RASAL3: variants seen among roughly 807,000 people sequenced by gnomAD.
RASAL3 encodes RAS protein activator like-3.
Under a neutral mutation model 105.5 loss-of-function variants are expected in RASAL3, and 74 were observed. The observed-to-expected ratio is 0.70, with a 90% CI of 0.58 to 0.85. The LOEUF is 0.85. RASAL3 is among the 40% of genes least tolerant of loss of function. The pLI is 0.00. For synonymous variants in RASAL3, 579 were observed against 591.6 expected (o/e 0.98, Z 0.31); for missense variants, 1,352 against 1,392.0 (o/e 0.97, Z 0.46).
Position 15,454,133 on chromosome 19 carries a change from C to A in RASAL3, c.2279+16G>T. Reference sequence around the variant, plus strand: ...CTGTTCCCACCCATCAGACCCCAGACCAGACTTGAGGTTACCTGGAGTGGA... The same window carrying A: ...CTGTTCCCACCCATCAGACCCCAGAACAGACTTGAGGTTACCTGGAGTGGA... On this transcript the variant is annotated intron_variant, in intron 14 of 17. Transcript: ENST00000343625. 1 of 1,539,360 alleles carries A rather than the reference C, an allele frequency of 6.5e-7. No individual in the cohort carries two copies. The highest frequency in any genetic ancestry group is 8.8e-7 in the Non-Finnish European group (1 of 1,136,770).
intron 11 of RASAL3, among the ~76,000 whole-genome samples, chr19:15,455,199 G>T (rs1970281027): frequency 6.6e-6 from 1 of 152,172 alleles, no homozygotes; most frequent in African/African-American, 2.4e-5. Context: ...GAAGACAGAG[G>T]TTATGAGCTT....
In RASAL3 at chr19:15,454,782, C is replaced by A; in HGVS notation, c.1833G>T (p.Arg611=). 6.2e-7 allele frequency: 1 copy of A among 1,601,752 alleles called. No individual in the cohort carries two copies. The highest frequency in any genetic ancestry group is 8.5e-7 in the Non-Finnish European group (1 of 1,174,476). The part of the protein sequence containing the change: ...PRLVCASLFL[R]LLCPAILAPS... The stretch of plus-strand genomic sequence containing the variant: ...GTGCCAGGATGGCAGGGCACAGGAG[C>A]CGCAGGAAGAGGGAGGCGCACACCA... Residue 611 remains arginine, a synonymous_variant, in exon 12 of 18, where the codon CGG becomes CGT. Transcript: ENST00000343625.
intron 16 of RASAL3, chr19:15,452,313 T>C: frequency 3.2e-6 from 2 of 619,230 alleles, no homozygotes; most frequent in Non-Finnish European, 5.8e-6. Flanking sequence ...CAATCATCCC[T>C]TGGAGGTGGG....
In RASAL3 at chr19:15,456,906, T is replaced by G. The variant is rs899380808; in HGVS notation, c.1432-260A>C. On this transcript the variant is annotated intron_variant, in intron 9 of 17. Transcript: ENST00000343625. This position sits in a 1 kb window ranked among gnomAD's most constrained non-coding sequence, Gnocchi z 4.4. ...CTCAGGCCCCTGTCGCAGCTGAAGC[T>G]TAGGCTCCGCTCTTCAAGGTGTCCC... 8 of 554,238 alleles carry G rather than the reference T, an allele frequency of 1.4e-5. No individual in the cohort carries two copies. Among genetic ancestry groups the G allele is most frequent in the Non-Finnish European group, 2.6e-5 (8 of 310,472 alleles). 34.3% of individuals were successfully genotyped at this position (554,238 alleles called of 1,614,324 possible).
chr19:15,454,810 CG>C lies in RASAL3; in HGVS notation c.1804del (p.Arg602AspfsTer39). The C allele has an allele frequency of 6.3e-7, 1 of 1,592,756 alleles. No homozygotes were observed. Among genetic ancestry groups the C allele is most frequent in the Non-Finnish European group, 8.5e-7 (1 of 1,169,938 alleles). Reference sequence around the variant, plus strand: ...CAGGAAGAGGGAGGCGCACACCAGTCGGGGGCCCAGCACCTCAGAGCCACGT... The same window carrying C: ...CAGGAAGAGGGAGGCGCACACCAGTCGGGGCCCAGCACCTCAGAGCCACGT... ...KERGSEVLGP[R>X]LVCASLFLRL... On this transcript the variant is annotated frameshift_variant, in exon 12 of 18. Transcript: ENST00000343625. LOFTEE classifies it high-confidence loss of function.
chr19:15,458,762 C>T, intron 6 of RASAL3, 107 bp from the exon 7 acceptor site: 1 of 1,417,796 alleles, frequency 7.1e-7, no homozygotes, highest in African/African-American at 1.4e-5. Context: ...ATTCGGATCC[C>T]GTTTCTCCCC....
rs1970321579 is a variant in RASAL3 at position 15,456,447 on chromosome 19, C to T, written c.1576+55G>A. ...TTGCTCAAGGACTCTTAGAACTTCACCCAGGTCCCCTAGCTCACCAGCAGG... is the reference window on the plus strand; with the variant it reads ...TTGCTCAAGGACTCTTAGAACTTCATCCAGGTCCCCTAGCTCACCAGCAGG... On this transcript the variant is annotated intron_variant, in intron 10 of 17. Transcript: ENST00000343625. This position sits in a 1 kb window ranked among gnomAD's most constrained non-coding sequence, Gnocchi z 4.4. 2 of 1,603,532 alleles carry T rather than the reference C, an allele frequency of 1.2e-6. No homozygotes were observed. Among genetic ancestry groups the T allele is most frequent in the Admixed American group, 1.7e-5 (1 of 59,056 alleles).
At position 15,451,742 on chromosome 19, in the gene RASAL3, A is replaced by T; in HGVS notation, c.*53T>A. 6.5e-7 allele frequency: 1 copy of T among 1,544,756 alleles called. No individual in the cohort carries two copies. Among genetic ancestry groups the T allele is most frequent in the Non-Finnish European group, 8.8e-7 (1 of 1,138,662 alleles). ...AAGGCAAAGTCAGACACCCCCCCTAAGATGGCTATCTCTCTGCTCCCAGAC... is the reference window on the plus strand; with the variant it reads ...AAGGCAAAGTCAGACACCCCCCCTATGATGGCTATCTCTCTGCTCCCAGAC... On this transcript the variant is annotated 3_prime_UTR_variant, in exon 18 of 18. Transcript: ENST00000343625.
chr19:15,461,513 G>C lies in RASAL3; in HGVS notation c.423C>G (p.Thr141=). The change falls in exon 3 of 18, where the codon ACC becomes ACG. Residue 141 remains threonine (T), a synonymous_variant. Coordinates refer to ENST00000343625, the MANE Select transcript of RASAL3 (RefSeq NM_022904.3). ...GCAGCACCAGCTTCCCATCAAGCAG[G>C]GTGAAGCCCCCAATGTCCCAGACAG... ...NVPVWDIGGF[T]LLDGKLVLLG... The C allele has an allele frequency of 1.9e-6, 3 of 1,545,108 alleles. No homozygotes were observed. The highest frequency in any genetic ancestry group is 2.6e-6 in the Non-Finnish European group (3 of 1,145,374).
chr19:15,455,921 G>T (rs1970299644), intron 11 of RASAL3, among the ~76,000 whole-genome samples, 183 bp downstream of exon 11: 1 of 152,202 alleles, frequency 6.6e-6, no homozygotes, highest in African/African-American at 2.4e-5. Flanking sequence ...AAAGCATTGG[G>T]ATTACGGGCG....
chr19:15,456,122 G>A lies in RASAL3; in HGVS notation c.1703C>T (p.Thr568Ile). 2.5e-6 allele frequency: 4 copies of A among 1,613,804 alleles called. No individual in the cohort carries two copies. The highest frequency in any genetic ancestry group is 3.4e-6 in the Non-Finnish European group (4 of 1,179,794). ...TTCTCACTCGTAGGAATGGATAATG[G>A]TTTCGAAGACCTCCTCGCAGCTGTT... ...LRNSCEEVFE[T>I]IIHSYDWFPA... The change falls in exon 11 of 18, where the codon ACC becomes ATC. Residue 568 changes from threonine (T) to isoleucine (I), a missense_variant. Around this residue, in one of 3 missense-constraint regions of RASAL3, gnomAD observed 920 missense variants for 919.6 expected, o/e 1.00. Transcript: ENST00000343625. The surrounding 1 kb of genome is among the most constrained non-coding windows in gnomAD (Gnocchi z 4.4).
At position 15,451,890 on chromosome 19, in the gene RASAL3, C is replaced by T. The variant is rs1011750099; in HGVS notation, c.2941G>A (p.Ala981Thr). 6.2e-7 allele frequency: 1 copy of T among 1,608,888 alleles called. No homozygotes were observed. The highest frequency in any genetic ancestry group is 1.7e-5 in the Admixed American group (1 of 59,926). Residue 981 changes from alanine (A) to threonine (T), a missense_variant, in exon 18 of 18, where the codon GCT (alanine) becomes ACT (threonine). Physicochemically the swap from Ala to Thr is moderately conservative, Grantham distance 58. Around this residue, in one of 3 missense-constraint regions of RASAL3, gnomAD observed 920 missense variants for 919.6 expected, o/e 1.00. Coordinates refer to ENST00000343625, the MANE Select transcript of RASAL3 (RefSeq NM_022904.3). ...GGAGAAAGCTGCAGGCTCTGGACAG[C>T]ATCCCTCAGCTGAGCCTGAGTTCTC... ...MERTQAQLRD[A>T]VQSLQLSPRT...
At chr19:15,458,986 G>A (rs549557567) in intron 6 of RASAL3, among the ~76,000 whole-genome samples, 3 of 151,946 alleles carry the variant, frequency 2.0e-5, no homozygotes, top group Admixed American at 6.6e-5. Flanking sequence ...TGTTTAGTGC[G>A]GTGGCTGGAT....
rs756643114 is a variant in RASAL3, at chr19:15,454,262, G to C, written c.2166C>G (p.Thr722=). 2 of 1,564,502 alleles carry C rather than the reference G, an allele frequency of 1.3e-6. No homozygotes were observed. The highest frequency in any genetic ancestry group is 1.7e-6 in the Non-Finnish European group (2 of 1,154,340). Residue 722 remains threonine, a synonymous_variant, in exon 14 of 18, where the codon ACC becomes ACG. Coordinates refer to ENST00000343625, the MANE Select transcript of RASAL3 (RefSeq NM_022904.3). ...CTIFAELDQT[T]RDTLEPLPTI... ...TGGGCAGTGGTTCCAGGGTGTCTCG[G>C]GTTGTCTGGTGAGGCATGCAGGACA...
At chr19:15,461,672 C>T in intron 2 of RASAL3, 65 bp from the exon 3 acceptor site, 9 of 1,437,102 alleles carry the variant, frequency 6.3e-6, no homozygotes, top group Non-Finnish European at 8.2e-6. Flanking sequence ...CTACCCTTTC[C>T]ATTCCCGAAG....
rs370506475 is a variant in RASAL3 at position 15,454,166 on chromosome 19, C to G, written c.2262G>C (p.Pro754=). The part of the protein sequence containing the change: ...VSVPMRLPLP[P]AQVHSSLSAG... ...GAGGTTACCTGGAGTGGACCTGGGC[C>G]GGGGGCAGTGGGAGACGCATTGGCA... Residue 754 remains proline, a synonymous_variant, in exon 14 of 18, where the codon CCG becomes CCC. Transcript: ENST00000343625. The G allele has an allele frequency of 7.2e-5, 113 of 1,563,804 alleles. No homozygotes were observed. The highest frequency in any genetic ancestry group is 9.4e-5 in the Non-Finnish European group (109 of 1,153,810).
rs1355692960 is a variant in RASAL3, at chr19:15,457,784, C to T, written c.939G>A (p.Ala313=). The T allele has an allele frequency of 1.3e-6, 2 of 1,548,048 alleles. No individual in the cohort carries two copies. Among genetic ancestry groups the T allele is most frequent in the African/African-American group, 2.7e-5 (2 of 72,916 alleles). The part of the protein sequence containing the change: ...ETWLSVWVHE[A]KGLPRAAAGA... The stretch of plus-strand genomic sequence containing the variant: ...CCGCCGCTGCTCGGGGAAGCCCCTT[C>T]GCTTCGTGCACCCACACGCTCAGCC... Residue 313 remains alanine, a synonymous_variant, in exon 9 of 18, where the codon GCG becomes GCA. Coordinates refer to ENST00000343625, the MANE Select transcript of RASAL3 (RefSeq NM_022904.3). The surrounding 1 kb of genome is among the most constrained non-coding windows in gnomAD (Gnocchi z 8.6).
Position 15,456,731 on chromosome 19 carries a change from G to A in RASAL3, c.1432-85C>T. The A allele has an allele frequency of 2.0e-6, 3 of 1,492,072 alleles. No homozygotes were observed. The highest frequency in any genetic ancestry group is 2.7e-6 in the Non-Finnish European group (3 of 1,104,872). 92.4% of individuals were successfully genotyped at this position (1,492,072 alleles called of 1,614,324 possible). A position where few individuals can be genotyped will look rare whatever the true frequency, so the allele number is the denominator to read the frequency against. On this transcript the variant is annotated intron_variant, in intron 9 of 17. Transcript: ENST00000343625. This position sits in a 1 kb window ranked among gnomAD's most constrained non-coding sequence, Gnocchi z 4.4. ...TCCTTGGCTGGTCCCTCACACCAGA[G>A]GCACAGGCCCCGCCCCTTGTAGCTG...
rs1970331823 is a variant in RASAL3, at chr19:15,456,685, C to T, written c.1432-39G>A. 9 of 1,599,768 alleles carry T rather than the reference C, an allele frequency of 5.6e-6. No homozygotes were observed. The highest frequency in any genetic ancestry group is 1.3e-5 in the African/African-American group (1 of 74,928). ...GAGGTCAGGTTGCACCAGATGCAGA[C>T]AGAGTCCAAGGGAATTCGGATCCTT... On this transcript the variant is annotated intron_variant, in intron 9 of 17. Transcript: ENST00000343625. This position sits in a 1 kb window ranked among gnomAD's most constrained non-coding sequence, Gnocchi z 4.4.
Sources: allele counts gnomAD v4.1 joint callset (sites outside exome capture counted in the v4.1 genomes callset), GRCh38; gene constraint gnomAD v4.1.1; regional missense constraint gnomAD v4.1.1; non-coding constraint Gnocchi (gnomAD v3.1); transcripts MANE v1.5; gene names NCBI Gene and HGNC (gene_info 2026-07-23, HGNC 2026-07-21).